SLC2A13: variants seen among roughly 807,000 people sequenced by gnomAD.
SLC2A13 encodes the protein solute carrier family 2 member 13.
A neutral mutation model predicts 64.4 loss-of-function variants in SLC2A13; 32 were observed. The observed-to-expected ratio is 0.50, with a 90% confidence interval of 0.37 to 0.67. SLC2A13 has a LOEUF of 0.67. SLC2A13 is among the 30% of genes least tolerant of loss of function. SLC2A13 has a pLI of 0.00. For synonymous variants in SLC2A13, 338 were observed against 327.1 expected (o/e 1.03, Z -0.36); for missense variants, 743 against 829.2 (o/e 0.90, Z 1.28).
intron 3 of SLC2A13, among the ~76,000 whole-genome samples, chr12:40,009,080 T>C (rs553327131): frequency 6.6e-6 from 1 of 152,346 alleles, no homozygotes; most frequent in East Asian, 1.9e-4. Context: ...ATTATGATAC[T>C]ATTACCATAA....
At chr12:40,011,623 T>C (rs1453308619) in intron 3 of SLC2A13, among the ~76,000 whole-genome samples, 2 of 152,120 alleles carry the variant, frequency 1.3e-5, no homozygotes, top group African/African-American at 2.4e-5. Context: ...ACCCAATAGG[T>C]CGTTTTTCAA....
At chr12:40,049,731 T>C (rs567995210) in intron 1 of SLC2A13, among the ~76,000 whole-genome samples, 62 of 152,260 alleles carry the variant, frequency 4.1e-4, no homozygotes, top group Non-Finnish European at 7.8e-4. Flanking sequence ...TTGTTACATC[T>C]TTGAACAAGG....
At chr12:40,016,199 CAA>C (rs1273922346) in intron 3 of SLC2A13, among the ~76,000 whole-genome samples, 1 of 150,258 alleles carries the variant, frequency 6.7e-6, no homozygotes. Context: ...ACCACCCCCC[CAA>C]AAAAAAACTA....
At chr12:39,996,312 G>T (rs2136174392) in intron 3 of SLC2A13, among the ~76,000 whole-genome samples, 1 of 152,310 alleles carries the variant, frequency 6.6e-6, no homozygotes, top group Non-Finnish European at 1.5e-5. Flanking sequence ...CATTCAAGAG[G>T]TGACTTGGGT....
At chr12:39,777,106 G>C (rs1940804338) in intron 7 of SLC2A13, among the ~76,000 whole-genome samples, 1 of 152,078 alleles carries the variant, frequency 6.6e-6, no homozygotes, top group South Asian at 2.1e-4. Flanking sequence ...CTGCGTCCTT[G>C]TCACTCAAGA....
chr12:39,974,246 T>C lies in SLC2A13; in HGVS notation c.926-22881A>G, dbSNP rs541277953. On this transcript the variant is annotated intron_variant, in intron 3 of 9. Coordinates refer to ENST00000280871, the MANE Select transcript of SLC2A13 (RefSeq NM_052885.4). ...GATAACTACTACAGCTAGAACTTAG[T>C]CAAGAATCGTAAACCAAAACTCTTC... Among the ~76,000 whole-genome samples the C allele has an allele frequency of 3.3e-5, 5 of 152,348 alleles. No homozygotes were observed. The East Asian group carries it at 7.7e-4, about 23-fold the overall frequency.
At chr12:39,804,998 A>C (rs10877471) in intron 7 of SLC2A13, among the ~76,000 whole-genome samples, 2 of 18,874 alleles carry the variant, frequency 1.1e-4, no homozygotes, top group African/African-American at 4.4e-4. Flanking sequence ...GAGGGAGAAG[A>C]CTGCTGGGGA....
intron 7 of SLC2A13, among the ~76,000 whole-genome samples, chr12:39,771,895 C>A (rs1940592419): frequency 1.3e-5 from 2 of 152,098 alleles, no homozygotes; most frequent in South Asian, 4.2e-4. Context: ...ATTTTCTGAA[C>A]CTACAGTCTA....
intron 6 of SLC2A13, among the ~76,000 whole-genome samples, chr12:39,842,225 G>A (rs892294469): frequency 6.6e-6 from 1 of 152,046 alleles, no homozygotes; most frequent in African/African-American, 2.4e-5. Flanking sequence ...TAGAAGACCA[G>A]ATTAGAAATA....
chr12:39,829,743 A>T, intron 7 of SLC2A13: 1 of 256,510 alleles, frequency 3.9e-6, no homozygotes, highest in Non-Finnish European at 7.7e-6. Flanking sequence ...TTGACTTTAC[A>T]GTTTTCTTTC....
intron 3 of SLC2A13, among the ~76,000 whole-genome samples, chr12:39,998,156 G>A (rs754087548): frequency 2.0e-5 from 3 of 152,162 alleles, no homozygotes; most frequent in African/African-American, 7.2e-5. Context: ...TAAAGAAATT[G>A]TGGTATGTAT....
At chr12:40,030,879 C>A (rs756292911) in intron 2 of SLC2A13, among the ~76,000 whole-genome samples, 3 of 152,060 alleles carry the variant, frequency 2.0e-5, no homozygotes, top group African/African-American at 4.8e-5. Context: ...AGTCTGGGTC[C>A]GAAATGTACA....
intron 7 of SLC2A13, among the ~76,000 whole-genome samples, chr12:39,769,895 T>G (rs1239013354): frequency 1.3e-5 from 2 of 152,104 alleles, no homozygotes; most frequent in African/African-American, 4.8e-5. Context: ...TTATGTGGTC[T>G]TTTTCCTGGA....
chr12:40,002,611 A>G (rs1437488461), intron 3 of SLC2A13, among the ~76,000 whole-genome samples: 2 of 152,226 alleles, frequency 1.3e-5, no homozygotes, highest in Non-Finnish European at 2.9e-5. Context: ...TTCATGCAGC[A>G]AAACTACTCA....
At chr12:40,033,842 T>C (rs962636552) in intron 2 of SLC2A13, among the ~76,000 whole-genome samples, 11 of 152,240 alleles carry the variant, frequency 7.2e-5, no homozygotes, top group Admixed American at 2.0e-4. Context: ...ATATTTTCTA[T>C]GATGAATATG....
intron 2 of SLC2A13, among the ~76,000 whole-genome samples, chr12:40,031,830 A>G (rs886577885): frequency 6.6e-6 from 1 of 152,200 alleles, no homozygotes; most frequent in African/African-American, 2.4e-5. Context: ...AAATTTCAAC[A>G]TGAGACAAAA....
chr12:40,038,461 C>T (rs900053868), intron 2 of SLC2A13, among the ~76,000 whole-genome samples: 47 of 152,208 alleles, frequency 3.1e-4, no homozygotes, highest in African/African-American at 1.1e-3. Context: ...ATTCATAAGG[C>T]CAGGCATGGT....
chr12:39,862,464 C>T (rs1437347755), intron 6 of SLC2A13, among the ~76,000 whole-genome samples: 1 of 152,162 alleles, frequency 6.6e-6, no homozygotes, highest in Non-Finnish European at 1.5e-5. Flanking sequence ...TAGGCAGAAC[C>T]ATATCACTTT....
chr12:39,845,540 TA>T (rs1943285686), intron 6 of SLC2A13, among the ~76,000 whole-genome samples: 1 of 152,152 alleles, frequency 6.6e-6, no homozygotes, highest in Non-Finnish European at 1.5e-5. Flanking sequence ...CATGAAAAAC[TA>T]TATGTGTGAA....
Sources: gnomAD v4.1 joint callset for allele counts (sites outside exome capture counted in the v4.1 genomes callset) on GRCh38, gnomAD v4.1.1 for gene constraint, MANE v1.5 for transcripts, NCBI Gene and HGNC (gene_info 2026-07-23, HGNC 2026-07-21) for gene names.